The following RNF144A variants were observed in gnomAD, a reference collection of about 807,000 sequenced individuals.
RNF144A encodes ring finger protein 144A, also known as E3 ubiquitin-protein ligase RNF144A.
In RNF144A, 11 loss-of-function variants were observed where a neutral mutation model predicts 38.7. The ratio of observed to expected loss-of-function variants is 0.28; its 90% confidence interval spans 0.18 to 0.47. The LOEUF (loss-of-function observed/expected upper bound fraction) is 0.47. RNF144A is among the 20% of genes least tolerant of loss of function. RNF144A has a pLI of 0.99. For missense variants in RNF144A, 316 were observed against 377.2 expected (o/e 0.84, Z 1.34); for synonymous variants, 149 against 143.9 (o/e 1.04, Z -0.25).
chr2:7,054,726 A>G (rs1233516700), intron 6 of RNF144A, among the ~76,000 whole-genome samples: 1 of 152,182 alleles, frequency 6.6e-6, no homozygotes, highest in Non-Finnish European at 1.5e-5. Context: ...TTGGAGGCAG[A>G]GAGCTGTCCT....
At chr2:6,945,752 A>G (rs1236122881) in intron 2 of RNF144A, among the ~76,000 whole-genome samples, 4 of 150,642 alleles carry the variant, frequency 2.7e-5, no homozygotes, top group African/African-American at 9.8e-5. Context: ...CAAGGTGAGG[A>G]TGTGGATTCC....
rs1389355279 is a variant in RNF144A at position 7,019,004 on chromosome 2, T to C, written c.302-1469T>C. ...CTGCTGTCAAGTTTTGCTAGAACATTCATTTCCAGATCACTGTGTCTGCTT... is the reference window on the plus strand; with the variant it reads ...CTGCTGTCAAGTTTTGCTAGAACATCCATTTCCAGATCACTGTGTCTGCTT... On this transcript the variant is annotated intron_variant, in intron 5 of 8. Coordinates refer to ENST00000320892, the MANE Select transcript of RNF144A (RefSeq NM_014746.6). 5.3e-5 allele frequency among the ~76,000 whole-genome samples: 8 copies of C among 152,300 alleles called. No homozygotes were observed. In the East Asian group the frequency reaches 7.7e-4, roughly 15 times the overall value.
At chr2:7,027,168 C>A (rs1357136498) in intron 7 of RNF144A, among the ~76,000 whole-genome samples, 1 of 152,074 alleles carries the variant, frequency 6.6e-6, no homozygotes, top group Middle Eastern at 3.2e-3. Context: ...TATTTCAGAC[C>A]GCCTCCTCCC....
chr2:6,971,550 A>C (rs1667999103), intron 2 of RNF144A, among the ~76,000 whole-genome samples: 1 of 152,178 alleles, frequency 6.6e-6, no homozygotes, highest in Non-Finnish European at 1.5e-5. Context: ...ATTTTTCCTT[A>C]ACCTTTCACT....
chr2:6,970,223 C>T (rs1026308787), intron 2 of RNF144A, among the ~76,000 whole-genome samples: 1 of 152,138 alleles, frequency 6.6e-6, no homozygotes, highest in Admixed American at 6.5e-5. Context: ...GTAGGAAGGA[C>T]CCAGTGGAAG....
At chr2:6,928,167 C>G (rs544515583) in intron 1 of RNF144A, among the ~76,000 whole-genome samples, 1 of 152,370 alleles carries the variant, frequency 6.6e-6, no homozygotes, top group South Asian at 2.1e-4. Context: ...CAGCTCAACT[C>G]TGTTCAGTCT....
intron 7 of RNF144A, among the ~76,000 whole-genome samples, chr2:7,025,000 G>A (rs1270953313): frequency 6.6e-6 from 1 of 152,150 alleles, no homozygotes; most frequent in African/African-American, 2.4e-5. Flanking sequence ...AGTGGGGGCT[G>A]GGGGGCTGTT....
intron 2 of RNF144A, among the ~76,000 whole-genome samples, chr2:6,995,208 A>ATTT (rs575682872): frequency 3.4e-5 from 5 of 145,468 alleles, no homozygotes; most frequent in African/African-American, 1.0e-4. Flanking sequence ...GGATGATGTA[A>ATTT]TTTTTTTTTT....
intron 3 of RNF144A, among the ~76,000 whole-genome samples, chr2:6,999,293 G>A (rs1558419454): frequency 6.6e-6 from 1 of 152,216 alleles, no homozygotes; most frequent in Non-Finnish European, 1.5e-5. Flanking sequence ...CTTGTGTGTT[G>A]AAGATTCAGA....
At chr2:6,998,483 G>A (rs1176816982) in intron 3 of RNF144A, among the ~76,000 whole-genome samples, 6 of 152,120 alleles carry the variant, frequency 3.9e-5, no homozygotes, top group African/African-American at 1.4e-4. Context: ...CTTTCTTAAG[G>A]GCAGAAGGAT....
At chr2:6,981,863 T>A (rs1436795092) in intron 2 of RNF144A, among the ~76,000 whole-genome samples, 3 of 152,134 alleles carry the variant, frequency 2.0e-5, no homozygotes, top group Non-Finnish European at 4.4e-5. Flanking sequence ...GGCCCACAGG[T>A]AGTAATTTAT....
intron 6 of RNF144A, among the ~76,000 whole-genome samples, chr2:7,056,984 G>A (rs1250927754): frequency 6.6e-6 from 1 of 152,172 alleles, no homozygotes; most frequent in Non-Finnish European, 1.5e-5. Context: ...GGACCCTGAC[G>A]TTCCTTGCCA....
At chr2:7,014,306 C>T in intron 3 of RNF144A, 148 bp from the exon 4 acceptor site, 1 of 643,276 alleles carries the variant, frequency 1.6e-6, no homozygotes, top group Non-Finnish European at 2.7e-6. Flanking sequence ...ACCTCAAAAC[C>T]TCAAATGTGT....
At chr2:6,986,655 C>CAT (rs771433663) in intron 2 of RNF144A, among the ~76,000 whole-genome samples, 4 of 152,042 alleles carry the variant, frequency 2.6e-5, no homozygotes, top group Non-Finnish European at 2.9e-5. Context: ...CATAGATGTC[C>CAT]ATATATATAT....
chr2:7,045,347 G>C (rs1223455364), downstream of RNF144A, among the ~76,000 whole-genome samples: 2 of 152,174 alleles, frequency 1.3e-5, no homozygotes, highest in Non-Finnish European at 2.9e-5. Flanking sequence ...GAGCTTTACT[G>C]TCTTCCAGGT....
intron 7 of RNF144A, among the ~76,000 whole-genome samples, chr2:7,026,467 T>C (rs1671900755): frequency 6.6e-6 from 1 of 151,904 alleles, no homozygotes; most frequent in Non-Finnish European, 1.5e-5. Flanking sequence ...TTCAAGGTCT[T>C]ATTTATTTAT....
intron 8 of RNF144A, among the ~76,000 whole-genome samples, chr2:7,037,861 G>A (rs1672780852): frequency 6.6e-6 from 1 of 152,188 alleles, no homozygotes; most frequent in South Asian, 2.1e-4. Context: ...AGTGAAGGCT[G>A]AGTTGGAATG....
intron 2 of RNF144A, among the ~76,000 whole-genome samples, chr2:6,960,038 G>A (rs1360822796): frequency 6.6e-6 from 1 of 152,378 alleles, no homozygotes; most frequent in African/African-American, 2.4e-5. Flanking sequence ...AGACCCTCCA[G>A]CACTCACATT....
chr2:7,016,119 AAAAG>A (rs1243977083), intron 5 of RNF144A, among the ~76,000 whole-genome samples: 1 of 151,042 alleles, frequency 6.6e-6, no homozygotes, highest in African/African-American at 2.5e-5. Context: ...AAAAAAAAAA[AAAAG>A]AAAGAAAAAG....
Sources: gnomAD v4.1 joint callset for allele counts (sites outside exome capture counted in the v4.1 genomes callset) on GRCh38, gnomAD v4.1.1 for gene constraint, MANE v1.5 for transcripts, NCBI Gene and HGNC (gene_info 2026-07-23, HGNC 2026-07-21) for gene names.